ANO3: variants seen among roughly 807,000 people sequenced by gnomAD.
The protein encoded by ANO3 is anoctamin-3.
ANO3 carries 99 observed loss-of-function variants against 144.8 expected under a neutral mutation model. That is an observed-to-expected ratio of 0.68 (90% CI 0.58 to 0.81). The LOEUF (loss-of-function observed/expected upper bound fraction) is 0.81. Among genes scored for constraint, ANO3 ranks in the 30% least tolerant of loss-of-function variants. The pLI is 0.00. For synonymous variants in ANO3, 414 were observed against 392.6 expected, an observed-to-expected ratio of 1.05 and a Z score of -0.64; for missense variants, 905 against 1,202.2, an observed-to-expected ratio of 0.75 and a Z score of 3.66.
intron 1 of ANO3, among the ~76,000 whole-genome samples, chr11:26,410,763 T>C (rs535996892): frequency 1.3e-5 from 2 of 152,004 alleles, no homozygotes; most frequent in Non-Finnish European, 2.9e-5. Context: ...CAGCTGGAAC[T>C]GTCTGAATGT....
intron 1 of ANO3, among the ~76,000 whole-genome samples, chr11:26,258,362 T>G (rs1335787562): frequency 6.6e-6 from 1 of 152,140 alleles, no homozygotes; most frequent in Non-Finnish European, 1.5e-5. Flanking sequence ...AGTCAACCAT[T>G]CAACACAAAT....
In ANO3 at chr11:26,662,750, A is replaced by T. The variant is rs1387131925; in HGVS notation, c.*2306A>T. ...AACAGAAAAAGAAAAAATTGTCTGA[A>T]ATGTTTATTTTGCAAAACAGTGCAA... On this transcript the variant is annotated 3_prime_UTR_variant, in exon 27 of 27. Coordinates refer to ENST00000256737, the MANE Select transcript of ANO3 (RefSeq NM_031418.4). The T allele has an allele frequency of 6.6e-6, 1 of 152,168 alleles. No individual in the cohort carries two copies. The allele number at this position is 152,168 out of a possible 1,614,324, so 9.4% of individuals were successfully genotyped here.
At chr11:26,642,152 C>CAAAGATTTGAAA in intron 22 of ANO3, 123 bp downstream of exon 22, 1 of 1,015,344 alleles carries the variant, frequency 9.8e-7, no homozygotes, top group Admixed American at 2.5e-5. Context: ...TTCTAAAACA[C>CAAAGATTTGAAA]GTCTGCACCT....
chr11:26,190,593 AT>A (rs954773317), intron 1 of ANO3, among the ~76,000 whole-genome samples: 13 of 151,816 alleles, frequency 8.6e-5, no homozygotes, highest in African/African-American at 1.9e-4. Context: ...CTTTTTCACC[AT>A]TTTTTTTGTC....
chr11:26,333,718 G>A lies in ANO3; in HGVS notation c.46+1397G>A, dbSNP rs1472964277. Among the ~76,000 whole-genome samples the A allele has an allele frequency of 3.9e-5, 6 of 152,218 alleles. No homozygotes were observed. The East Asian group carries it at 9.6e-4, about 24-fold the overall frequency. The stretch of plus-strand genomic sequence containing the variant: ...AATTCTGTACTCAGTTCAAGCCCAA[G>A]TTCTCTAGGATGTTTCAAATATATG... On this transcript the variant is annotated intron_variant, in intron 1 of 26. Transcript: ENST00000256737.
At chr11:26,381,672 C>T (rs1422699320) in intron 1 of ANO3, among the ~76,000 whole-genome samples, 1 of 152,148 alleles carries the variant, frequency 6.6e-6, no homozygotes, top group African/African-American at 2.4e-5. Context: ...GTCATATACA[C>T]AGCTGGTAAA....
intron 14 of ANO3, among the ~76,000 whole-genome samples, chr11:26,572,721 A>G (rs1850875958): frequency 6.6e-6 from 1 of 152,070 alleles, no homozygotes; most frequent in Non-Finnish European, 1.5e-5. Context: ...AATTAGTAGC[A>G]TATATTGGGA....
intron 1 of ANO3, among the ~76,000 whole-genome samples, chr11:26,317,615 C>T (rs1854657004): frequency 6.6e-6 from 1 of 152,096 alleles, no homozygotes. Flanking sequence ...ACAACAGATG[C>T]TGGAGAGGAT....
chr11:26,190,850 G>C (rs1422161556), intron 1 of ANO3, among the ~76,000 whole-genome samples: 1 of 152,100 alleles, frequency 6.6e-6, no homozygotes, highest in Non-Finnish European at 1.5e-5. Flanking sequence ...ACACATCCCA[G>C]TTGAAATCCC....
chr11:26,617,055 G>A (rs775766248), intron 17 of ANO3, among the ~76,000 whole-genome samples: 15 of 152,188 alleles, frequency 9.9e-5, no homozygotes, highest in African/African-American at 3.6e-4. Context: ...ACAGGCGTGA[G>A]CCACCGTGCC....
chr11:26,390,095 A>G (rs1439018213), intron 1 of ANO3, among the ~76,000 whole-genome samples: 1 of 152,128 alleles, frequency 6.6e-6, no homozygotes, highest in Non-Finnish European at 1.5e-5. Flanking sequence ...TCTCTCTTTT[A>G]TTAAGTGTCT....
At chr11:26,385,717 A>G in intron 1 of ANO3, among the ~76,000 whole-genome samples, 1 of 151,984 alleles carries the variant, frequency 6.6e-6, no homozygotes, top group East Asian at 1.9e-4. Context: ...CCTATATCAC[A>G]GGTTTCAGGG....
chr11:26,576,724 C>G (rs1023624328), intron 14 of ANO3, among the ~76,000 whole-genome samples: 1 of 152,090 alleles, frequency 6.6e-6, no homozygotes, highest in Non-Finnish European at 1.5e-5. Flanking sequence ...TATTTCTTAT[C>G]TAGTCCCATA....
chr11:26,602,797 TTCTA>T (rs1025114105), intron 17 of ANO3, among the ~76,000 whole-genome samples: 3 of 151,932 alleles, frequency 2.0e-5, no homozygotes, highest in African/African-American at 7.2e-5. Context: ...AACTTATTTC[TTCTA>T]TCTAATTATA....
chr11:26,440,422 G>A (rs1326130154), intron 1 of ANO3, among the ~76,000 whole-genome samples: 6 of 152,096 alleles, frequency 3.9e-5, no homozygotes, highest in South Asian at 2.1e-4. Context: ...ATAAGCAAAA[G>A]AGTAGTGTTA....
chr11:26,310,675 A>G (rs1177089490), intron 1 of ANO3, among the ~76,000 whole-genome samples: 2 of 152,214 alleles, frequency 1.3e-5, no homozygotes, highest in Non-Finnish European at 2.9e-5. Context: ...TTGGAAATGT[A>G]TGTGCTACAT....
At chr11:26,364,333 A>G (rs1856005408) in intron 1 of ANO3, among the ~76,000 whole-genome samples, 1 of 152,178 alleles carries the variant, frequency 6.6e-6, no homozygotes, top group Non-Finnish European at 1.5e-5. Context: ...TCACTGGTTC[A>G]ACCAGGATTT....
At chr11:26,490,236 GT>G (rs1860648917) in intron 4 of ANO3, among the ~76,000 whole-genome samples, 1 of 152,092 alleles carries the variant, frequency 6.6e-6, no homozygotes, top group Non-Finnish European at 1.5e-5. Context: ...CTTCTTCCTT[GT>G]TTTTCTGTTG....
intron 1 of ANO3, among the ~76,000 whole-genome samples, chr11:26,294,392 AT>A (rs956668194): frequency 3.9e-5 from 6 of 152,092 alleles, no homozygotes; most frequent in Middle Eastern, 3.4e-3. Context: ...GTTTTACTTT[AT>A]TTTTTTAAAT....
Sources: allele counts gnomAD v4.1 joint callset (sites outside exome capture counted in the v4.1 genomes callset), GRCh38; gene constraint gnomAD v4.1.1; transcripts MANE v1.5; gene names NCBI Gene and HGNC (gene_info 2026-07-23, HGNC 2026-07-21).